Variants in RRM1 observed in about 807,000 individuals in gnomAD.
RRM1 encodes ribonucleoside-diphosphate reductase large subunit.
RRM1 carries 19 observed loss-of-function variants against 101.5 expected under a neutral mutation model. The ratio of observed to expected loss-of-function variants is 0.19; its 90% confidence interval spans 0.13 to 0.27. RRM1 has a LOEUF of 0.27. Ranked by LOEUF, RRM1 falls within the 10% of genes least tolerant of loss-of-function variation. The pLI, the probability that RRM1 is intolerant of heterozygous loss-of-function variation, is 1.00. For synonymous variants in RRM1, 298 were observed against 323.4 expected, an observed-to-expected ratio of 0.92 and a Z score of 0.84; for missense variants, 500 against 962.9, an observed-to-expected ratio of 0.52 and a Z score of 6.36.
intron 7 of RRM1, among the ~76,000 whole-genome samples, chr11:4,118,073 G>A (rs2094576229): frequency 6.6e-6 from 1 of 152,126 alleles, no homozygotes; most frequent in Non-Finnish European, 1.5e-5. Flanking sequence ...TTATCTATAA[G>A]ACTTCCTACT....
At chr11:4,098,423 T>C (rs2133283156) in intron 1 of RRM1, among the ~76,000 whole-genome samples, 1 of 85,180 alleles carries the variant, frequency 1.2e-5, no homozygotes, top group East Asian at 3.6e-4. Flanking sequence ...TCCTCCTTCC[T>C]TCCTTCCTTC....
chr11:4,094,835 G>C lies in RRM1; in HGVS notation c.-178G>C. The C allele has an allele frequency of 3.1e-6, 2 of 652,270 alleles. No homozygotes were observed. Among genetic ancestry groups the C allele is most frequent in the South Asian group, 3.8e-5 (2 of 53,132 alleles). 40.4% of individuals were successfully genotyped at this position (652,270 alleles called of 1,614,324 possible). On this transcript the variant is annotated 5_prime_UTR_variant, in exon 1 of 19. Transcript: ENST00000300738. ...TCACGGGTGGCGGGCGCGGGAAGGG[G>C]ATTTGGATTGTTGCGCCTCTGCTCT...
chr11:4,119,783 G>A (rs755711559), intron 8 of RRM1, 62 bp from the exon 9 acceptor site: 4 of 948,508 alleles, frequency 4.2e-6, no homozygotes, highest in Middle Eastern at 2.2e-4. Flanking sequence ...AAAGAATGGG[G>A]CCATTTTTTT....
chr11:4,103,781 A>ATTTTTTTTTT (rs36062278), intron 2 of RRM1, among the ~76,000 whole-genome samples: 160 of 115,086 alleles, frequency 1.4e-3, no homozygotes, highest in African/African-American at 1.7e-3. Context: ...CCACCACGCT[A>ATTTTTTTTTT]TTTTTTTTTT....
intron 2 of RRM1, among the ~76,000 whole-genome samples, chr11:4,104,848 C>T (rs1350793704): frequency 5.3e-5 from 8 of 152,160 alleles, no homozygotes; most frequent in Admixed American, 5.2e-4. Flanking sequence ...ATACTTCTGT[C>T]TCCTTTAATT....
rs72555795 is a variant in RRM1 at position 4,133,465 on chromosome 11, A to C, written c.1906-98A>C. The C allele has an allele frequency of 7.6e-4, 501 of 661,010 alleles. 3 individuals carry two copies. The highest frequency in any genetic ancestry group is 4.9e-3 in the Middle Eastern group (17 of 3,456). The allele number at this position is 661,010 out of a possible 1,614,324, so 40.9% of individuals were successfully genotyped here. ...TTTACCAAGCAATCTAGCATTAAAT[A>C]ACTCTTAAGTGATTTTAGTTTAAGC... On this transcript the variant is annotated intron_variant, in intron 16 of 18. Transcript: ENST00000300738.
rs2094562846 is a variant in RRM1, at chr11:4,109,661, T to C, written c.405T>C (p.Ile135=). ...LANKDRLNSA[I]IYDRDFSYNY... ...CCTATCAGCGCCTGAATTCTGCTAT[T>C]ATCTATGACCGAGATTTCTCTTACA... Residue 135 remains isoleucine (I), a synonymous_variant, in exon 5 of 19, where the codon ATT becomes ATC. Coordinates refer to ENST00000300738, the MANE Select transcript of RRM1 (RefSeq NM_001033.5). 1.2e-6 allele frequency: 2 copies of C among 1,610,060 alleles called. No individual in the cohort carries two copies. The highest frequency in any genetic ancestry group is 2.7e-5 in the African/African-American group (2 of 74,980).
At chr11:4,130,213 A>G (rs535236907) in intron 15 of RRM1, among the ~76,000 whole-genome samples, 2 of 151,522 alleles carry the variant, frequency 1.3e-5, no homozygotes, top group East Asian at 3.9e-4. Context: ...ATACAGAAAT[A>G]AAATAGAAAG....
chr11:4,111,524 C>A, intron 5 of RRM1, 77 bp from the exon 6 acceptor site: 1 of 880,666 alleles, frequency 1.1e-6, no homozygotes. Flanking sequence ...AAAGAGATTG[C>A]CTTATTGTGG....
chr11:4,129,226 A>G, intron 15 of RRM1, 76 bp downstream of exon 15: 1 of 837,186 alleles, frequency 1.2e-6, no homozygotes, highest in Admixed American at 2.4e-5. Context: ...GAAGTTAGAT[A>G]TGTCATTTTA....
intron 15 of RRM1, among the ~76,000 whole-genome samples, chr11:4,129,621 T>A (rs1399283465): frequency 2.6e-5 from 4 of 152,002 alleles, no homozygotes; most frequent in African/African-American, 9.7e-5. Flanking sequence ...GAAAAAAAAA[T>A]TTTTAAATTG....
chr11:4,133,542 A>C (rs766290061), intron 16 of RRM1, 21 bp from the exon 17 acceptor site: 2 of 1,482,242 alleles, frequency 1.3e-6, no homozygotes, highest in Admixed American at 3.5e-5. Flanking sequence ...TTCTTCATAC[A>C]TTTTCTGCTT....
intron 7 of RRM1, among the ~76,000 whole-genome samples, chr11:4,117,228 G>A (rs2094575006): frequency 1.3e-5 from 2 of 152,194 alleles, no homozygotes; most frequent in Admixed American, 6.5e-5. Flanking sequence ...CATCCACTTT[G>A]GAGAATCTTT....
intron 7 of RRM1, among the ~76,000 whole-genome samples, chr11:4,113,864 C>T (rs1309600313): frequency 2.6e-5 from 4 of 152,002 alleles, no homozygotes; most frequent in African/African-American, 9.6e-5. Context: ...TGGTGGCTCA[C>T]GCCTGTAATC....
At chr11:4,111,857 T>G in intron 6 of RRM1, 43 bp from the exon 7 acceptor site, 1 of 1,568,996 alleles carries the variant, frequency 6.4e-7, no homozygotes, top group East Asian at 2.3e-5. Context: ...CAACCTACTT[T>G]TTCTGACGTC....
chr11:4,124,086 G>C (rs1377158853), intron 12 of RRM1, among the ~76,000 whole-genome samples: 1 of 152,182 alleles, frequency 6.6e-6, no homozygotes, highest in East Asian at 1.9e-4. Flanking sequence ...GGTGCAAGTA[G>C]ATTAATTATT....
intron 1 of RRM1, among the ~76,000 whole-genome samples, chr11:4,097,272 C>G (rs2133281955): frequency 9.5e-6 from 1 of 105,088 alleles, no homozygotes; most frequent in South Asian, 3.8e-4. Context: ...GAGTGACACT[C>G]TGTCTCAAAA....
intron 12 of RRM1, 28 bp from the exon 13 acceptor site, chr11:4,126,656 G>C: frequency 6.3e-7 from 1 of 1,583,456 alleles, no homozygotes; most frequent in Non-Finnish European, 8.6e-7. Flanking sequence ...AAAATTGTGT[G>C]ATTCTTGACC....
intron 7 of RRM1, among the ~76,000 whole-genome samples, chr11:4,115,053 G>C (rs2094570893): frequency 6.6e-6 from 1 of 152,000 alleles, no homozygotes; most frequent in Admixed American, 6.6e-5. Context: ...ATGATTAAAG[G>C]ACATTAAATA....
Sources: allele counts gnomAD v4.1 joint callset (sites outside exome capture counted in the v4.1 genomes callset), GRCh38; gene constraint gnomAD v4.1.1; transcripts MANE v1.5; gene names NCBI Gene and HGNC (gene_info 2026-07-23, HGNC 2026-07-21).